The following DTNB variants were observed in gnomAD, a reference collection of about 807,000 sequenced individuals.
DTNB encodes dystrobrevin beta.
In DTNB, 63 loss-of-function variants were observed where a neutral mutation model predicts 90.7. The ratio of observed to expected loss-of-function variants is 0.69; its 90% confidence interval spans 0.57 to 0.86. The LOEUF (loss-of-function observed/expected upper bound fraction) is 0.86, where lower values mean the gene tolerates loss of function less well. Ranked by LOEUF, DTNB falls within the 40% of genes least tolerant of loss-of-function variation. DTNB has a pLI of 0.00. For missense variants in DTNB, 744 were observed against 807.1 expected (o/e 0.92, Z 0.95); for synonymous variants, 277 against 286.7 (o/e 0.97, Z 0.34).
intron 8 of DTNB, among the ~76,000 whole-genome samples, chr2:25,537,675 T>C (rs1217828164): frequency 2.6e-5 from 4 of 152,194 alleles, no homozygotes; most frequent in Non-Finnish European, 5.9e-5. Flanking sequence ...AATGAGTTAG[T>C]TTAGGAGGCT....
chr2:25,442,038 T>C (rs2057510614), intron 12 of DTNB, among the ~76,000 whole-genome samples: 1 of 152,242 alleles, frequency 6.6e-6, no homozygotes, highest in Non-Finnish European at 1.5e-5. Flanking sequence ...GTTCAGATTT[T>C]TGAACTTTTA....
intron 1 of DTNB, among the ~76,000 whole-genome samples, chr2:25,669,251 G>A (rs190338855): frequency 6.6e-6 from 1 of 152,064 alleles, no homozygotes; most frequent in East Asian, 1.9e-4. Context: ...CACTTACAAT[G>A]GTTAAAATTG....
At chr2:25,510,586 C>A (rs1461101634) in intron 9 of DTNB, among the ~76,000 whole-genome samples, 1 of 151,992 alleles carries the variant, frequency 6.6e-6, no homozygotes, top group Non-Finnish European at 1.5e-5. Flanking sequence ...CGGCTCACTG[C>A]AACCTCCACC....
intron 2 of DTNB, among the ~76,000 whole-genome samples, chr2:25,650,910 G>A (rs1574039738): frequency 6.6e-6 from 1 of 151,896 alleles, no homozygotes; most frequent in Admixed American, 6.6e-5. Context: ...GCAGTCAGCC[G>A]AGATGGCGCC....
Position 25,455,461 on chromosome 2 carries a change from C to T in DTNB, c.1113G>A (p.Leu371=). Residue 371 remains leucine, a synonymous_variant, in exon 11 of 21, where the codon TTG becomes TTA. Transcript: ENST00000406818. ...LQYSQDIPSH[L]ADEHALIASY... is the part of the protein sequence containing the mutation. The stretch of plus-strand genomic sequence containing the variant: ...AGGCTATCAGCGCATGCTCATCGGC[C>T]AAGTGACTGGGTATATCCTGGCTAT... 1 of 1,607,654 alleles carries T rather than the reference C, an allele frequency of 6.2e-7. No homozygotes were observed. Among genetic ancestry groups the T allele is most frequent in the Non-Finnish European group, 8.5e-7 (1 of 1,177,232 alleles).
chr2:25,544,512 T>C (rs2082025166), intron 8 of DTNB, among the ~76,000 whole-genome samples: 1 of 152,150 alleles, frequency 6.6e-6, no homozygotes. Flanking sequence ...TTACTCTCTC[T>C]TTCTGAGCAC....
At chr2:25,406,087 C>T (rs77939911) in intron 16 of DTNB, among the ~76,000 whole-genome samples, 1 of 151,554 alleles carries the variant, frequency 6.6e-6, no homozygotes, top group East Asian at 1.9e-4. Flanking sequence ...ATAACGGCAT[C>T]AGCAGAAGCA....
At chr2:25,564,912 G>A (rs571874382) in intron 8 of DTNB, among the ~76,000 whole-genome samples, 17 of 152,042 alleles carry the variant, frequency 1.1e-4, no homozygotes, top group Non-Finnish European at 2.2e-4. Flanking sequence ...TAAAAGTAAC[G>A]GGGAAACCAC....
intron 4 of DTNB, among the ~76,000 whole-genome samples, chr2:25,610,365 T>C (rs998144541): frequency 6.6e-6 from 1 of 152,224 alleles, no homozygotes; most frequent in African/African-American, 2.4e-5. Flanking sequence ...ACTTTTTAAA[T>C]GATCACTTTA....
At chr2:25,597,649 A>G (rs190353936) in intron 5 of DTNB, among the ~76,000 whole-genome samples, 60 of 152,354 alleles carry the variant, frequency 3.9e-4, no homozygotes, top group African/African-American at 1.4e-3. Context: ...AGTTGATGGA[A>G]AAGTATTAAA....
At chr2:25,661,189 A>G (rs573325099) in intron 1 of DTNB, among the ~76,000 whole-genome samples, 22 of 152,346 alleles carry the variant, frequency 1.4e-4, no homozygotes, top group African/African-American at 5.3e-4. Context: ...AGGACTTTCT[A>G]AGCAAAAGTT....
intron 15 of DTNB, among the ~76,000 whole-genome samples, chr2:25,425,665 T>C (rs1294433409): frequency 2.0e-5 from 3 of 152,224 alleles, no homozygotes; most frequent in Non-Finnish European, 2.9e-5. Flanking sequence ...CATCTGGCTT[T>C]GGGGGCACTC....
chr2:25,552,240 T>C (rs2056418895), intron 8 of DTNB, among the ~76,000 whole-genome samples: 1 of 152,244 alleles, frequency 6.6e-6, no homozygotes, highest in Non-Finnish European at 1.5e-5. Flanking sequence ...ATCTACTCTG[T>C]GTGCTGCCTG....
chr2:25,593,839 T>C (rs2064038366), intron 6 of DTNB, among the ~76,000 whole-genome samples: 1 of 152,220 alleles, frequency 6.6e-6, no homozygotes, highest in African/African-American at 2.4e-5. Flanking sequence ...GTCATCCATT[T>C]CTCAGTGTTC....
chr2:25,409,717 A>G (rs1003167177), intron 16 of DTNB, among the ~76,000 whole-genome samples: 1 of 152,066 alleles, frequency 6.6e-6, no homozygotes, highest in African/African-American at 2.4e-5. Context: ...TCTTGCAACT[A>G]TCTGGGCTTC....
intron 16 of DTNB, among the ~76,000 whole-genome samples, chr2:25,407,631 T>A (rs554482197): frequency 1.3e-5 from 2 of 152,182 alleles, no homozygotes; most frequent in Non-Finnish European, 2.9e-5. Context: ...GCAACCTGAA[T>A]GGACCTGGAG....
chr2:25,394,754 GA>G (rs1395037349), intron 16 of DTNB, among the ~76,000 whole-genome samples: 1 of 152,116 alleles, frequency 6.6e-6, no homozygotes, highest in Non-Finnish European at 1.5e-5. Context: ...TGAATGCAGT[GA>G]AAAAGGAACA....
At chr2:25,384,679 C>A (rs947826822) in intron 18 of DTNB, among the ~76,000 whole-genome samples, 1 of 152,130 alleles carries the variant, frequency 6.6e-6, no homozygotes, top group Non-Finnish European at 1.5e-5. Flanking sequence ...AGAGGAGGGA[C>A]TGAGCTTATC....
intron 8 of DTNB, among the ~76,000 whole-genome samples, chr2:25,571,143 C>A (rs200528182): frequency 1.3e-5 from 2 of 152,192 alleles, no homozygotes; most frequent in Non-Finnish European, 2.9e-5. Context: ...TCCGCTCTCA[C>A]AAGCCACATC....
Sources: gnomAD v4.1 joint callset for allele counts (sites outside exome capture counted in the v4.1 genomes callset) on GRCh38, gnomAD v4.1.1 for gene constraint, MANE v1.5 for transcripts, NCBI Gene and HGNC (gene_info 2026-07-23, HGNC 2026-07-21) for gene names.